The following CHM variants were observed in gnomAD, a reference collection of about 807,000 sequenced individuals.
CHM encodes CHM Rab escort protein.
CHM carries 10 observed loss-of-function variants against 49.0 expected under a neutral mutation model. That is an observed-to-expected ratio of 0.20 (90% CI 0.13 to 0.35). The LOEUF is 0.35. Among genes scored for constraint, CHM ranks in the 10% least tolerant of loss-of-function variants. The pLI is 1.00. For synonymous variants in CHM, 184 were observed against 167.5 expected (o/e 1.10, Z -0.76); for missense variants, 455 against 478.4 (o/e 0.95, Z 0.46).
chrX:85,917,427 T>C (rs759892164), intron 8 of CHM, among the ~76,000 whole-genome samples: 11 of 110,909 alleles, frequency 9.9e-5, no homozygotes, highest in African/African-American at 3.6e-4. Flanking sequence ...AACCTGCAAA[T>C]GTAGCCCTGA....
At chrX:86,017,134 T>C (rs745812994) in intron 2 of CHM, among the ~76,000 whole-genome samples, 260 of 112,646 alleles carry the variant, frequency 2.3e-3, no homozygotes, top group African/African-American at 8.1e-3. Flanking sequence ...TGTACCCCTA[T>C]TGTATCTAGG....
At chrX:86,007,122 T>G (rs1167769169) in intron 2 of CHM, among the ~76,000 whole-genome samples, 1 of 111,851 alleles carries the variant, frequency 8.9e-6, no homozygotes, top group Non-Finnish European at 1.9e-5. Flanking sequence ...TACAACTATC[T>G]GATCTTTGAT....
chrX:85,907,059 G>T (rs776982581), intron 9 of CHM, among the ~76,000 whole-genome samples: 1 of 112,000 alleles, frequency 8.9e-6, no homozygotes, highest in Non-Finnish European at 1.9e-5. Flanking sequence ...GAACCTGGGA[G>T]GCAGAGGTTG....
intron 9 of CHM, among the ~76,000 whole-genome samples, chrX:85,907,024 G>T (rs12116376): frequency 1.8e-5 from 2 of 110,605 alleles, no homozygotes; most frequent in African/African-American, 6.6e-5. Context: ...CAGCTACTAG[G>T]GGGGCTGAGG....
intron 4 of CHM, chrX:85,969,634 A>G: frequency 8.5e-6 from 1 of 116,966 alleles, no homozygotes; most frequent in East Asian, 2.8e-4. Flanking sequence ...AAATGAAATC[A>G]GTAGGTTGAA....
chrX:85,997,602 T>A (rs1054243501), intron 2 of CHM, among the ~76,000 whole-genome samples: 5 of 110,895 alleles, frequency 4.5e-5, no homozygotes, highest in African/African-American at 1.6e-4. Flanking sequence ...CCACCACTAC[T>A]ACCTACCCTA....
intron 12 of CHM, among the ~76,000 whole-genome samples, chrX:85,882,185 TA>T (rs775236462): frequency 8.9e-6 from 1 of 112,097 alleles, no homozygotes; most frequent in Non-Finnish European, 1.9e-5. Flanking sequence ...CTGAAGACCT[TA>T]AGGGTATAAG....
Position 85,880,796 on chromosome X carries a change from T to C in CHM, c.1511-1733A>G, listed in dbSNP as rs767236570. ...TAAGCTGAATTATAATCCCTATACATTGACTTTGCTTAGAGGCTACATTGT... is the reference window on the plus strand; with the variant it reads ...TAAGCTGAATTATAATCCCTATACACTGACTTTGCTTAGAGGCTACATTGT... On this transcript the variant is annotated intron_variant, in intron 12 of 14. Coordinates refer to ENST00000357749, the MANE Select transcript of CHM (RefSeq NM_000390.4). 6.3e-5 allele frequency among the ~76,000 whole-genome samples: 7 copies of C among 111,618 alleles called. No homozygotes were observed. The South Asian group carries it at 2.2e-3, about 36-fold the overall frequency.
chrX:86,021,126 G>GTATGTATA (rs1555967709), intron 2 of CHM, among the ~76,000 whole-genome samples: 7 of 55,976 alleles, frequency 1.3e-4, no homozygotes, highest in East Asian at 5.7e-4. Flanking sequence ...GTGTATATAC[G>GTATGTATA]TATATATATA....
chrX:86,023,428 G>A (rs1216568193), intron 2 of CHM, among the ~76,000 whole-genome samples: 1 of 110,814 alleles, frequency 9.0e-6, no homozygotes, highest in African/African-American at 3.3e-5. Context: ...CATCTCATCC[G>A]ATGAAATCCT....
chrX:86,047,406 A>G, intron 1 of CHM, 78 bp downstream of exon 1: 1 of 970,547 alleles, frequency 1.0e-6, no homozygotes, highest in Non-Finnish European at 1.5e-6. Context: ...GTTTGTCCCA[A>G]AACTCGCCAC....
At position 85,894,284 on chromosome X, in the gene CHM, T is replaced by A; in HGVS notation, c.1414A>T (p.Ile472Phe). Residue 472 changes from isoleucine (I) to phenylalanine (F), a missense_variant and splice_region_variant, in exon 12 of 15, where the codon ATT becomes TTT. Coordinates refer to ENST00000357749, the MANE Select transcript of CHM (RefSeq NM_000390.4). ...SVLKTDSDQQ[I>F]SILTVPAEEP... ...TCTGCTGGCACTGTCAAAATGGAAATCTAAAAAGCAAAAATAAAGTATCAG... is the reference window on the plus strand; with the variant it reads ...TCTGCTGGCACTGTCAAAATGGAAAACTAAAAAGCAAAAATAAAGTATCAG... 1 of 1,192,461 alleles carries A rather than the reference T, an allele frequency of 8.4e-7. No homozygotes were observed. Among genetic ancestry groups the A allele is most frequent in the Non-Finnish European group, 1.1e-6 (1 of 878,406 alleles).
At position 85,936,467 on chromosome X, in the gene CHM, G is replaced by A. The variant is rs777659888; in HGVS notation, c.1166+19686C>T. 3.6e-5 allele frequency among the ~76,000 whole-genome samples: 4 copies of A among 111,669 alleles called. No homozygotes were observed. In the South Asian group the frequency reaches 1.5e-3, roughly 42 times the overall value. Reference sequence around the variant, plus strand: ...TTTCCATAATACAGGTAAGACAACTGAGGCTTTGGGAATTTAAATGACATG... The same window carrying A: ...TTTCCATAATACAGGTAAGACAACTAAGGCTTTGGGAATTTAAATGACATG... On this transcript the variant is annotated intron_variant, in intron 8 of 14. Transcript: ENST00000357749.
intron 12 of CHM, among the ~76,000 whole-genome samples, chrX:85,888,923 C>T (rs1925266639): frequency 9.0e-6 from 1 of 111,681 alleles, no homozygotes; most frequent in African/African-American, 3.3e-5. Context: ...TATTATAAAA[C>T]AGTATATAAA....
intron 2 of CHM, among the ~76,000 whole-genome samples, chrX:86,009,190 T>C (rs1038918280): frequency 5.3e-5 from 6 of 112,179 alleles, no homozygotes; most frequent in African/African-American, 1.9e-4. Flanking sequence ...TAACTGCTGT[T>C]GTTCTAGATG....
At chrX:85,955,080 T>C (rs1929944274) in intron 8 of CHM, among the ~76,000 whole-genome samples, 2 of 111,006 alleles carry the variant, frequency 1.8e-5, no homozygotes, top group African/African-American at 3.3e-5. Flanking sequence ...AGTAAAAGGA[T>C]GGTTATCAGA....
At chrX:86,006,618 A>G (rs1275908603) in intron 2 of CHM, among the ~76,000 whole-genome samples, 2 of 110,872 alleles carry the variant, frequency 1.8e-5, no homozygotes, top group Non-Finnish European at 3.8e-5. Context: ...ATACACCAAT[A>G]ACAGACAGAG....
At chrX:86,040,651 C>T (rs1433198861) in intron 1 of CHM, among the ~76,000 whole-genome samples, 2 of 112,072 alleles carry the variant, frequency 1.8e-5, no homozygotes, top group Non-Finnish European at 3.8e-5. Flanking sequence ...CCATACTGGC[C>T]AAGCTGCCTC....
At chrX:85,896,872 T>C (rs1482396581) in intron 11 of CHM, among the ~76,000 whole-genome samples, 2 of 99,792 alleles carry the variant, frequency 2.0e-5, no homozygotes, top group Non-Finnish European at 3.9e-5. Context: ...GTATATAATA[T>C]GTATTACATA....
Sources: gnomAD v4.1 joint callset for allele counts (sites outside exome capture counted in the v4.1 genomes callset) on GRCh38, gnomAD v4.1.1 for gene constraint, MANE v1.5 for transcripts, NCBI Gene and HGNC (gene_info 2026-07-23, HGNC 2026-07-21) for gene names.